The following EPHA6 variants were observed in gnomAD, a reference collection of about 807,000 sequenced individuals.
The protein encoded by EPHA6 is EPH receptor A6.
In EPHA6, 50 loss-of-function variants were observed where a neutral mutation model predicts 112.0. The ratio of observed to expected loss-of-function variants is 0.45; its 90% CI spans 0.36 to 0.56. EPHA6 has a LOEUF of 0.56. Among genes scored for constraint, EPHA6 ranks in the 20% least tolerant of loss-of-function variants. The pLI, the probability that EPHA6 is intolerant of heterozygous loss-of-function variation, is 0.00. For synonymous variants in EPHA6, 529 were observed against 490.7 expected, an observed-to-expected ratio of 1.08 and a Z score of -1.03; for missense variants, 1,280 against 1,417.4, an observed-to-expected ratio of 0.90 and a Z score of 1.56.
intron 2 of EPHA6, among the ~76,000 whole-genome samples, chr3:96,933,547 A>G (rs1307571155): frequency 3.3e-5 from 5 of 152,182 alleles, no homozygotes; most frequent in South Asian, 2.1e-4. Context: ...CCAAAATTCT[A>G]CAAGTGAAAT....
At position 97,605,625 on chromosome 3, in the gene EPHA6, G is replaced by T. The variant is rs140819929; in HGVS notation, c.2513-5168G>T. Among the ~76,000 whole-genome samples, 298 of 151,784 alleles carry T rather than the reference G, an allele frequency of 2.0e-3. 1 individual carries two copies. The highest frequency in any genetic ancestry group is 6.7e-3 in the African/African-American group (279 of 41,476). Reference sequence around the variant, plus strand: ...GGTCTATGTGCCTGTTTTTGTACCAGTACCCTGCTGTTTTGGTTACTGTTG... The same window carrying T: ...GGTCTATGTGCCTGTTTTTGTACCATTACCCTGCTGTTTTGGTTACTGTTG... On this transcript the variant is annotated intron_variant, in intron 12 of 17. Coordinates refer to ENST00000389672, the MANE Select transcript of EPHA6 (RefSeq NM_001080448.3).
At chr3:97,584,734 T>C (rs77177316) in intron 11 of EPHA6, among the ~76,000 whole-genome samples, 1,533 of 152,178 alleles carry the variant, frequency 0.01, 10 homozygotes, top group Non-Finnish European at 0.016. Context: ...GGAAAGATCA[T>C]GAAGGCATGG....
At chr3:97,586,354 TTTCCAATGCTTTACATTAAATGTTTCTTA>T (rs1257005931) in intron 11 of EPHA6, among the ~76,000 whole-genome samples, 2 of 152,182 alleles carry the variant, frequency 1.3e-5, no homozygotes, top group Non-Finnish European at 2.9e-5. Flanking sequence ...AAGATGCATT[TTTCCAATGCTTTACATTAAATGTTTCTTA>T]TTGTCATTGG....
chr3:97,666,908 A>C (rs189482475), intron 14 of EPHA6, among the ~76,000 whole-genome samples: 50 of 152,248 alleles, frequency 3.3e-4, no homozygotes, highest in African/African-American at 1.1e-3. Flanking sequence ...CAACTGAAGA[A>C]CTGTCATTTC....
chr3:97,561,448 A>C (rs1000411182), intron 11 of EPHA6, among the ~76,000 whole-genome samples: 1 of 152,106 alleles, frequency 6.6e-6, no homozygotes, highest in Non-Finnish European at 1.5e-5. Flanking sequence ...TGGATAGATC[A>C]AACCACAACA....
Position 97,528,324 on chromosome 3 carries a change from G to T in EPHA6, c.2201-4034G>T, listed in dbSNP as rs1158559171. Among the ~76,000 whole-genome samples, 4 of 152,094 alleles carry T rather than the reference G, an allele frequency of 2.6e-5. No homozygotes were observed. The East Asian group carries it at 7.7e-4, about 29-fold the overall frequency. ...TTATTTTCTTTTTACAGTTAAAAGG[G>T]CCTGTTGGTGCTGGGAGGCTAAATT... is the stretch of plus-strand genomic sequence containing the variant. On this transcript the variant is annotated intron_variant, in intron 10 of 17. Coordinates refer to ENST00000389672, the MANE Select transcript of EPHA6 (RefSeq NM_001080448.3).
chr3:97,158,914 G>A (rs977356816), intron 3 of EPHA6, among the ~76,000 whole-genome samples: 13 of 152,082 alleles, frequency 8.5e-5, no homozygotes, highest in African/African-American at 1.9e-4. Context: ...TGGGGGAGGC[G>A]TGTAGCTTTT....
intron 13 of EPHA6, among the ~76,000 whole-genome samples, chr3:97,629,937 C>T (rs764279685): frequency 6.6e-5 from 10 of 151,966 alleles, no homozygotes; most frequent in Admixed American, 3.3e-4. Context: ...AAATATAGTA[C>T]ACAGTAACTA....
intron 7 of EPHA6, among the ~76,000 whole-genome samples, chr3:97,474,706 A>G (rs2091321386): frequency 6.6e-6 from 1 of 152,062 alleles, no homozygotes; most frequent in African/African-American, 2.4e-5. Context: ...TTTAAGAGAC[A>G]GTTTTATGAA....
intron 11 of EPHA6, among the ~76,000 whole-genome samples, chr3:97,575,178 G>C (rs1019272804): frequency 1.3e-5 from 2 of 152,004 alleles, no homozygotes; most frequent in African/African-American, 4.8e-5. Context: ...ATATAGACTT[G>C]TGGTACACTA....
At chr3:97,194,268 T>C (rs925312821) in intron 3 of EPHA6, among the ~76,000 whole-genome samples, 5 of 151,952 alleles carry the variant, frequency 3.3e-5, no homozygotes, top group African/African-American at 1.2e-4. Flanking sequence ...TGTTTTGTTT[T>C]CATTTTCATT....
intron 14 of EPHA6, among the ~76,000 whole-genome samples, chr3:97,664,810 C>G (rs888656314): frequency 1.4e-4 from 21 of 151,864 alleles, no homozygotes; most frequent in Non-Finnish European, 2.4e-4. Context: ...CACTGCTCAA[C>G]GAAATAAAAG....
chr3:97,347,545 G>A (rs2083593691), intron 5 of EPHA6, among the ~76,000 whole-genome samples: 1 of 152,066 alleles, frequency 6.6e-6, no homozygotes, highest in Admixed American at 6.6e-5. Context: ...TTCTGGGAAA[G>A]ATAATATAGT....
chr3:96,971,943 T>C (rs561778539), intron 2 of EPHA6, among the ~76,000 whole-genome samples: 247 of 152,296 alleles, frequency 1.6e-3, no homozygotes, highest in Non-Finnish European at 3.0e-3. Flanking sequence ...CTACAAAACA[T>C]TGAGAACATA....
chr3:96,869,751 G>C (rs976325615), intron 2 of EPHA6, among the ~76,000 whole-genome samples: 6 of 152,056 alleles, frequency 3.9e-5, no homozygotes, highest in African/African-American at 1.4e-4. Context: ...AGCCACTATA[G>C]TATATAAAAT....
chr3:96,967,187 C>CAT (rs1394080380), intron 2 of EPHA6, among the ~76,000 whole-genome samples: 1 of 150,532 alleles, frequency 6.6e-6, no homozygotes, highest in African/African-American at 2.4e-5. Context: ...TGAATACACA[C>CAT]ACACACACAC....
intron 12 of EPHA6, among the ~76,000 whole-genome samples, chr3:97,598,410 C>T (rs2093612946): frequency 1.9e-5 from 2 of 105,748 alleles, no homozygotes; most frequent in Non-Finnish European, 3.7e-5. Flanking sequence ...TGCTATCCCT[C>T]CCCCCTCCCC....
rs151231366 is a variant in EPHA6, at chr3:97,640,889, C to T, written c.2784+2807C>T. Among the ~76,000 whole-genome samples the T allele has an allele frequency of 1.0e-3, 156 of 152,012 alleles. 5 individuals are homozygous for T. In the East Asian group the frequency reaches 0.024, roughly 23 times the overall value. On this transcript the variant is annotated intron_variant, in intron 14 of 17. Transcript: ENST00000389672. ...CCAGTTAGGCATTATTGCAATAAAC[C>T]AGAATGGTTATATGACTTTAATTAG...
intron 6 of EPHA6, among the ~76,000 whole-genome samples, chr3:97,419,730 T>A (rs2088454113): frequency 6.6e-6 from 1 of 150,436 alleles, no homozygotes; most frequent in African/African-American, 2.4e-5. Flanking sequence ...AGTGAGAAAA[T>A]AAAAAAACAA....
Sources: gnomAD v4.1 joint callset for allele counts (sites outside exome capture counted in the v4.1 genomes callset) on GRCh38, gnomAD v4.1.1 for gene constraint, MANE v1.5 for transcripts, NCBI Gene and HGNC (gene_info 2026-07-23, HGNC 2026-07-21) for gene names.